EIF4G3: variants seen among roughly 807,000 people sequenced by gnomAD.
EIF4G3 encodes the protein eukaryotic translation initiation factor 4 gamma 3, also known as eIF-4-gamma 3.
Under a neutral mutation model 186.4 loss-of-function variants are expected in EIF4G3, and 34 were observed. The ratio of observed to expected loss-of-function variants is 0.18; its 90% CI spans 0.14 to 0.24. The LOEUF (loss-of-function observed/expected upper bound fraction) is 0.24. EIF4G3 is among the 10% of genes least tolerant of loss of function. The probability of loss-of-function intolerance (pLI) is 1.00; values close to 1 mark genes in which losing one functional copy is unlikely to be tolerated. For missense variants in EIF4G3, 1,536 were observed against 1,948.5 expected (o/e 0.79, Z 3.99); for synonymous variants, 673 against 679.5 (o/e 0.99, Z 0.15).
intron 18 of EIF4G3, among the ~76,000 whole-genome samples, chr1:20,888,784 C>G (rs865996155): frequency 2.2e-4 from 34 of 152,156 alleles, no homozygotes; most frequent in African/African-American, 8.0e-4. Flanking sequence ...AAAACTGATA[C>G]ATAAATTTAA....
At chr1:20,938,465 G>C (rs1371165974) in intron 14 of EIF4G3, among the ~76,000 whole-genome samples, 2 of 152,158 alleles carry the variant, frequency 1.3e-5, no homozygotes, top group East Asian at 3.9e-4. Flanking sequence ...TCTGAAGCCA[G>C]CTTTGAGGTG....
chr1:21,053,880 G>A (rs1455638932), intron 3 of EIF4G3, among the ~76,000 whole-genome samples: 15 of 150,104 alleles, frequency 1.0e-4, no homozygotes, highest in Non-Finnish European at 1.9e-4. Flanking sequence ...CAGCCGCCCC[G>A]TCTGCGAGGT....
At chr1:20,965,859 G>A (rs2074534727) in intron 12 of EIF4G3, among the ~76,000 whole-genome samples, 1 of 152,150 alleles carries the variant, frequency 6.6e-6, no homozygotes, top group Non-Finnish European at 1.5e-5. Context: ...TCCTCTCTGT[G>A]TGATAGGTTT....
At chr1:21,140,306 A>G (rs2097314938) in intron 2 of EIF4G3, among the ~76,000 whole-genome samples, 1 of 152,146 alleles carries the variant, frequency 6.6e-6, no homozygotes, top group Non-Finnish European at 1.5e-5. Flanking sequence ...TCCCAGTAGC[A>G]TGGGCAAATT....
chr1:20,897,689 T>C (rs1160521269), intron 16 of EIF4G3, among the ~76,000 whole-genome samples: 1 of 152,058 alleles, frequency 6.6e-6, no homozygotes, highest in African/African-American at 2.4e-5. Context: ...TTCCACCATA[T>C]CTTTATTACC....
chr1:21,020,911 A>G (rs1292691558), intron 4 of EIF4G3, among the ~76,000 whole-genome samples: 1 of 152,206 alleles, frequency 6.6e-6, no homozygotes, highest in Non-Finnish European at 1.5e-5. Context: ...TCTACTGACT[A>G]TTAGATTGAT....
At chr1:21,036,158 C>T (rs1571432035) in intron 4 of EIF4G3, among the ~76,000 whole-genome samples, 1 of 151,736 alleles carries the variant, frequency 6.6e-6, no homozygotes, top group African/African-American at 2.4e-5. Context: ...CTCCTCTCTG[C>T]TGAGAGCTGC....
At chr1:20,992,229 T>C (rs968741588) in intron 7 of EIF4G3, among the ~76,000 whole-genome samples, 1 of 152,212 alleles carries the variant, frequency 6.6e-6, no homozygotes, top group Non-Finnish European at 1.5e-5. Flanking sequence ...TAAGGTCGTA[T>C]AGATGCTTGA....
intron 2 of EIF4G3, among the ~76,000 whole-genome samples, chr1:21,117,736 TAAAAAAAAAAAA>T (rs71014156): frequency 1.4e-5 from 1 of 73,088 alleles, no homozygotes; most frequent in Non-Finnish European, 2.6e-5. Flanking sequence ...CAGTATATAG[TAAAAAAAAAAAA>T]AAAAAAAAAA....
intron 4 of EIF4G3, among the ~76,000 whole-genome samples, chr1:21,043,578 G>A (rs912089864): frequency 6.6e-6 from 1 of 152,126 alleles, no homozygotes; most frequent in African/African-American, 2.4e-5. Flanking sequence ...TTCAAGGTAA[G>A]TTACAGGACT....
intron 7 of EIF4G3, among the ~76,000 whole-genome samples, chr1:20,990,770 T>C (rs1387380925): frequency 1.3e-5 from 2 of 152,214 alleles, no homozygotes; most frequent in African/African-American, 4.8e-5. Context: ...ACATAACATA[T>C]ATACACTGGG....
chr1:21,138,839 A>C (rs1384058940), intron 2 of EIF4G3, among the ~76,000 whole-genome samples: 3 of 152,032 alleles, frequency 2.0e-5, no homozygotes, highest in African/African-American at 7.2e-5. Flanking sequence ...TCACTTCCTC[A>C]TGGAAAAAAA....
chr1:20,989,081 G>A (rs113733077), intron 7 of EIF4G3, among the ~76,000 whole-genome samples: 24 of 36,892 alleles, frequency 6.5e-4, no homozygotes, highest in Non-Finnish European at 8.6e-4. Flanking sequence ...GGGAGGGGAG[G>A]GGAGAGGAGA....
chr1:20,948,197 G>C (rs192010877), intron 13 of EIF4G3, among the ~76,000 whole-genome samples: 3 of 152,222 alleles, frequency 2.0e-5, no homozygotes, highest in Non-Finnish European at 4.4e-5. Context: ...GAAATACTCT[G>C]AGAATTATTC....
chr1:21,044,990 C>G (rs750349943), intron 4 of EIF4G3, among the ~76,000 whole-genome samples: 7 of 152,098 alleles, frequency 4.6e-5, no homozygotes, highest in Non-Finnish European at 1.0e-4. Flanking sequence ...AAAAATTAGT[C>G]AGCCATCATG....
At chr1:21,050,545 C>T (rs2094149230) in intron 4 of EIF4G3, among the ~76,000 whole-genome samples, 1 of 152,204 alleles carries the variant, frequency 6.6e-6, no homozygotes, top group East Asian at 1.9e-4. Context: ...GAGACGGTAG[C>T]AGATTAAGCA....
At chr1:21,095,889 A>G (rs1159953233) in intron 2 of EIF4G3, among the ~76,000 whole-genome samples, 1 of 152,188 alleles carries the variant, frequency 6.6e-6, no homozygotes, top group Non-Finnish European at 1.5e-5. Flanking sequence ...ACACATACAC[A>G]TTTTCTGTGA....
chr1:21,076,733 T>A (rs2095600966), intron 3 of EIF4G3, among the ~76,000 whole-genome samples: 1 of 152,232 alleles, frequency 6.6e-6, no homozygotes, highest in South Asian at 2.1e-4. Flanking sequence ...AAACTGGATA[T>A]CTACATGCAG....
At chr1:20,962,908 G>GTTTTT (rs66593105) in intron 12 of EIF4G3, among the ~76,000 whole-genome samples, 80 of 139,148 alleles carry the variant, frequency 5.7e-4, no homozygotes, top group African/African-American at 1.9e-3. Flanking sequence ...TTGTAGTTTT[G>GTTTTT]TTTTTTTTTT....
Sources: allele counts gnomAD v4.1 joint callset (sites outside exome capture counted in the v4.1 genomes callset), GRCh38; gene constraint gnomAD v4.1.1; transcripts MANE v1.5; gene names NCBI Gene and HGNC (gene_info 2026-07-23, HGNC 2026-07-21).